STARD13: variants seen among roughly 807,000 people sequenced by gnomAD.
STARD13 encodes StAR related lipid transfer domain containing 13, also known as stAR-related lipid transfer protein 13.
A neutral mutation model predicts 106.4 loss-of-function variants in STARD13; 62 were observed. The observed-to-expected ratio is 0.58, with a 90% CI of 0.48 to 0.72. STARD13 has a LOEUF of 0.72. Among genes scored for constraint, STARD13 ranks in the 30% least tolerant of loss-of-function variants. The probability of loss-of-function intolerance (pLI) is 0.00; values close to 1 mark genes in which losing one functional copy is unlikely to be tolerated. For synonymous variants in STARD13, 565 were observed against 553.0 expected, an observed-to-expected ratio of 1.02 and a Z score of -0.31; for missense variants, 1,387 against 1,424.0, an observed-to-expected ratio of 0.97 and a Z score of 0.42.
intron 7 of STARD13, among the ~76,000 whole-genome samples, chr13:33,121,172 G>T (rs1480524895): frequency 6.6e-6 from 1 of 152,214 alleles, no homozygotes; most frequent in Non-Finnish European, 1.5e-5. Flanking sequence ...GTCTTTCTAA[G>T]GCATAGAGAG....
chr13:33,308,616 T>C (rs572774343), intron 1 of STARD13, among the ~76,000 whole-genome samples: 51 of 142,774 alleles, frequency 3.6e-4, no homozygotes, highest in Middle Eastern at 3.8e-3. Context: ...CCTTACCTCC[T>C]GGGTTCAAGT....
rs1259131828 is a variant in STARD13, at chr13:33,103,479, C to T, written c.*2114G>A. 2.6e-5 allele frequency: 4 copies of T among 152,600 alleles called. No individual in the cohort carries two copies. The highest frequency in any genetic ancestry group is 9.6e-5 in the African/African-American group (4 of 41,452). The allele number at this position is 152,600 out of a possible 1,614,324, so 9.5% of individuals were successfully genotyped here. A position where few individuals can be genotyped will look rare whatever the true frequency, so the allele number is the denominator to read the frequency against. ...TCGAAGAGAGGGAGAATCAGAAATA[C>T]AATCACATTTGTTCTTATTCTGTTT... On this transcript the variant is annotated 3_prime_UTR_variant, in exon 14 of 14. Transcript: ENST00000336934.
chr13:33,123,843 C>A (rs1468939552), intron 7 of STARD13, among the ~76,000 whole-genome samples: 1 of 152,210 alleles, frequency 6.6e-6, no homozygotes, highest in African/African-American at 2.4e-5. Flanking sequence ...CATCGCACTG[C>A]AGGAAGCCTT....
chr13:33,522,094 A>T, the STARD13 span, among the ~76,000 whole-genome samples: 3 of 152,170 alleles, frequency 2.0e-5, no homozygotes, highest in Non-Finnish European at 2.9e-5. Context: ...TAGAAGTTTA[A>T]TACTATTTAT....
the STARD13 span, among the ~76,000 whole-genome samples, chr13:33,458,815 CT>C: frequency 0.12 from 13,995 of 113,510 alleles, 679 homozygotes; most frequent in African/African-American, 0.25. Flanking sequence ...AACATGTTTA[CT>C]TTTTTTTTTT....
At chr13:33,362,136 G>A in the STARD13 span, among the ~76,000 whole-genome samples, 1,591 of 152,186 alleles carry the variant, frequency 0.01, 36 homozygotes, top group African/African-American at 0.035. Flanking sequence ...TAATTAGCTC[G>A]TTGTTCTGCA....
intron 4 of STARD13, among the ~76,000 whole-genome samples, chr13:33,134,334 G>A (rs1042570489): frequency 2.3e-4 from 35 of 152,198 alleles, no homozygotes; most frequent in Non-Finnish European, 1.5e-5. Flanking sequence ...ATGAATTTGT[G>A]TTGGGGCACA....
the STARD13 span, among the ~76,000 whole-genome samples, chr13:33,427,955 C>CA: frequency 0.24 from 24,160 of 100,748 alleles, 2,370 homozygotes; most frequent in Admixed American, 0.29. Context: ...AACTCCGTCT[C>CA]AAAAAAAAAA....
the STARD13 span, among the ~76,000 whole-genome samples, chr13:33,418,103 C>T: frequency 6.6e-6 from 1 of 152,118 alleles, no homozygotes; most frequent in Non-Finnish European, 1.5e-5. Context: ...GTGGGTGCAG[C>T]CCATGAAGGG....
In STARD13 at chr13:33,104,894, C is replaced by G. The variant is rs1010857981; in HGVS notation, c.*699G>C. On this transcript the variant is annotated 3_prime_UTR_variant, in exon 14 of 14. Transcript: ENST00000336934. ...AATTTGGTAATGACTTCTCACCCCC[C>G]CATTTGCTTTAAGGAGGAGTAATTA... The G allele has an allele frequency of 3.9e-5, 6 of 153,528 alleles. No individual in the cohort carries two copies. The highest frequency in any genetic ancestry group is 5.9e-5 in the Non-Finnish European group (4 of 68,054). 9.5% of individuals were successfully genotyped at this position (153,528 alleles called of 1,614,324 possible). A position where few individuals can be genotyped will look rare whatever the true frequency, so the allele number is the denominator to read the frequency against.
chr13:33,591,185 C>T, the STARD13 span, among the ~76,000 whole-genome samples: 5 of 152,242 alleles, frequency 3.3e-5, no homozygotes, highest in Admixed American at 1.3e-4. Context: ...TTGTCTGCAA[C>T]GACTCAGGCC....
At chr13:33,314,785 C>G (rs1161723291) in intron 1 of STARD13, among the ~76,000 whole-genome samples, 2 of 152,174 alleles carry the variant, frequency 1.3e-5, no homozygotes, top group Non-Finnish European at 2.9e-5. Context: ...GTTCCTTCCC[C>G]AGTACTAGCT....
intron 1 of STARD13, among the ~76,000 whole-genome samples, chr13:33,191,188 T>G (rs1886234233): frequency 6.6e-6 from 1 of 152,232 alleles, no homozygotes; most frequent in Non-Finnish European, 1.5e-5. Flanking sequence ...ATTGGCCCAC[T>G]ATGGATTATT....
At chr13:33,167,960 G>A (rs1184087184) in intron 1 of STARD13, among the ~76,000 whole-genome samples, 1 of 146,276 alleles carries the variant, frequency 6.8e-6, no homozygotes, top group Non-Finnish European at 1.5e-5. Flanking sequence ...GGGGAAAAGA[G>A]GGCATTCTTC....
chr13:33,568,840 T>C, the STARD13 span, among the ~76,000 whole-genome samples: 2 of 148,546 alleles, frequency 1.3e-5, 1 homozygote, highest in Non-Finnish European at 3.0e-5. Flanking sequence ...GTACATCAAA[T>C]TCAAAGTAGG....
rs1321794780 is a variant in STARD13 at position 33,130,210 on chromosome 13, A to G, written c.467T>C (p.Val156Ala). Residue 156 changes from valine to alanine, a missense_variant, in exon 5 of 14, where the codon GTG (valine) becomes GCG (alanine). Coordinates refer to ENST00000336934, the MANE Select transcript of STARD13 (RefSeq NM_178006.4). This position sits in a 1 kb window ranked among gnomAD's most constrained non-coding sequence, Gnocchi z 4.1. The part of the protein sequence containing the change: ...FQRTSRRWSR[V>A]DDLYTLLPRG... ...AGGGAGCAGCGTGTAGAGGTCGTCC[A>G]CACGAGACCACCTGCGACTGGTTCT... 2 of 1,611,804 alleles carry G rather than the reference A, an allele frequency of 1.2e-6. No homozygotes were observed. Among genetic ancestry groups the G allele is most frequent in the South Asian group, 1.1e-5 (1 of 91,062 alleles).
At chr13:33,293,616 A>G (rs1892374486) in intron 1 of STARD13, among the ~76,000 whole-genome samples, 1 of 152,192 alleles carries the variant, frequency 6.6e-6, no homozygotes, top group African/African-American at 2.4e-5. Context: ...TGTGTCTGCA[A>G]GGATGTTGCC....
the STARD13 span, among the ~76,000 whole-genome samples, chr13:33,401,397 T>TGAAA: frequency 6.6e-6 from 1 of 152,172 alleles, no homozygotes; most frequent in Admixed American, 6.5e-5. Flanking sequence ...ATTGTTTCAT[T>TGAAA]TGCACTCATA....
the STARD13 span, among the ~76,000 whole-genome samples, chr13:33,417,264 C>T: frequency 6.6e-6 from 1 of 152,178 alleles, no homozygotes; most frequent in African/African-American, 2.4e-5. Flanking sequence ...AACATACATA[C>T]ATTGCTGGTG....
Sources: gnomAD v4.1 joint callset for allele counts (sites outside exome capture counted in the v4.1 genomes callset) on GRCh38, gnomAD v4.1.1 for gene constraint, Gnocchi (gnomAD v3.1) non-coding constraint, MANE v1.5 for transcripts, NCBI Gene and HGNC (gene_info 2026-07-23, HGNC 2026-07-21) for gene names.